The following ODR4 variants were observed in gnomAD, a reference collection of about 807,000 sequenced individuals.
ODR4 encodes odr-4 GPCR localization factor homolog, also known as protein odr-4 homolog.
In ODR4, 47 loss-of-function variants were observed where a neutral mutation model predicts 60.2. That is an observed-to-expected ratio of 0.78 (90% confidence interval 0.62 to 1.00). The LOEUF (loss-of-function observed/expected upper bound fraction) is 1.00, where lower values mean the gene tolerates loss of function less well. Ranked by LOEUF, ODR4 falls within the 50% of genes least tolerant of loss-of-function variation. The probability of loss-of-function intolerance (pLI) is 0.00; values close to 1 mark genes in which losing one functional copy is unlikely to be tolerated. For synonymous variants in ODR4, 178 were observed against 175.5 expected, an observed-to-expected ratio of 1.01 and a Z score of -0.11; for missense variants, 488 against 530.8, an observed-to-expected ratio of 0.92 and a Z score of 0.79.
intron 8 of ODR4, among the ~76,000 whole-genome samples, chr1:186,393,073 C>T (rs1660530930): frequency 6.6e-6 from 1 of 152,010 alleles, no homozygotes; most frequent in Non-Finnish European, 1.5e-5. Flanking sequence ...TATGTTCTGA[C>T]TTATAAGTGG....
intron 4 of ODR4, among the ~76,000 whole-genome samples, chr1:186,387,583 A>G (rs1489828975): frequency 6.6e-6 from 1 of 152,240 alleles, no homozygotes; most frequent in East Asian, 1.9e-4. Flanking sequence ...GACAAACACT[A>G]CAAGAAACAG....
intron 8 of ODR4, among the ~76,000 whole-genome samples, chr1:186,392,977 C>A (rs1246680817): frequency 6.6e-6 from 1 of 152,158 alleles, no homozygotes; most frequent in Non-Finnish European, 1.5e-5. Context: ...TGCACTCCAG[C>A]CTTTGGCTAC....
the ODR4 span, among the ~76,000 whole-genome samples, chr1:186,428,633 C>A: frequency 6.6e-6 from 1 of 152,194 alleles, no homozygotes; most frequent in African/African-American, 2.4e-5. Context: ...GCTTTCAGCC[C>A]GTCTTGTCTT....
At chr1:186,416,855 CAAAAAAAAAA>C (rs71104859) in intron 12 of ODR4, among the ~76,000 whole-genome samples, 2 of 85,718 alleles carry the variant, frequency 2.3e-5, no homozygotes, top group African/African-American at 9.9e-5. Flanking sequence ...GATTCTGTCT[CAAAAAAAAAA>C]AAAAAAAAAA....
In ODR4 at chr1:186,421,365, T is replaced by C. The variant is rs1364618338; in HGVS notation, c.*2289T>C. 4 of 152,222 alleles carry C rather than the reference T, an allele frequency of 2.6e-5. No homozygotes were observed. The allele number at this position is 152,222 out of a possible 1,614,324, so 9.4% of individuals were successfully genotyped here. A position where few individuals can be genotyped will look rare whatever the true frequency, so the allele number is the denominator to read the frequency against. The stretch of plus-strand genomic sequence containing the variant: ...ATGTAAAACTAAATAAACATTGTTA[T>C]GCAACATTAATAATGTGGAATTTTT... On this transcript the variant is annotated 3_prime_UTR_variant, in exon 14 of 14. Transcript: ENST00000287859.
intron 12 of ODR4, among the ~76,000 whole-genome samples, chr1:186,416,359 A>T (rs1416169738): frequency 6.6e-6 from 1 of 152,034 alleles, no homozygotes; most frequent in Non-Finnish European, 1.5e-5. Flanking sequence ...AACATGGTGA[A>T]ATCCCATCTC....
intron 9 of ODR4, among the ~76,000 whole-genome samples, chr1:186,396,562 T>G (rs1046069675): frequency 6.6e-6 from 1 of 152,148 alleles, no homozygotes; most frequent in Non-Finnish European, 1.5e-5. Flanking sequence ...TGAGCTCTGA[T>G]AGCATCACTG....
intron 13 of ODR4, among the ~76,000 whole-genome samples, chr1:186,418,167 G>C (rs1571705711): frequency 6.6e-6 from 1 of 152,122 alleles, no homozygotes; most frequent in Non-Finnish European, 1.5e-5. Flanking sequence ...CTGACTGAGA[G>C]TTAGGAGCCA....
intron 12 of ODR4, among the ~76,000 whole-genome samples, chr1:186,416,564 C>T (rs1043918169): frequency 4.6e-5 from 7 of 152,004 alleles, no homozygotes; most frequent in Non-Finnish European, 1.0e-4. Flanking sequence ...CCCAGCTACT[C>T]GGGAGGCTGA....
chr1:186,402,455 A>G (rs1278616460), intron 11 of ODR4, among the ~76,000 whole-genome samples: 1 of 151,502 alleles, frequency 6.6e-6, no homozygotes, highest in Non-Finnish European at 1.5e-5. Context: ...CCTGGAATGC[A>G]ATAATGCAGT....
At position 186,419,020 on chromosome 1, in the gene ODR4, G is replaced by C; in HGVS notation, c.1309G>C (p.Ala437Pro). Reference sequence around the variant, plus strand: ...TGTTTTACTTTTAGGTGTGATTGCAGCATTTACAGTTGCAGTCCTTGCTGC... The same window carrying C: ...TGTTTTACTTTTAGGTGTGATTGCACCATTTACAGTTGCAGTCCTTGCTGC... ...KIQQNIGVIA[A>P]FTVAVLAAGI... The change falls in exon 14 of 14, where the codon GCA becomes CCA. Residue 437 changes from alanine (A) to proline (P), a missense_variant. Physicochemically the swap from Ala to Pro is conservative, Grantham distance 27. Coordinates refer to ENST00000287859, the MANE Select transcript of ODR4 (RefSeq NM_017847.6). 2.5e-6 allele frequency: 4 copies of C among 1,607,824 alleles called. No individual in the cohort carries two copies. The highest frequency in any genetic ancestry group is 3.4e-6 in the Non-Finnish European group (4 of 1,176,778).
intron 7 of ODR4, 68 bp downstream of exon 7, chr1:186,390,919 T>A (rs890930565): frequency 6.3e-6 from 9 of 1,417,584 alleles, no homozygotes; most frequent in Admixed American, 2.2e-5. Context: ...TCTGCTTACA[T>A]GTGTCATTCA....
intron 1 of ODR4, among the ~76,000 whole-genome samples, chr1:186,378,638 T>G (rs960813181): frequency 6.6e-6 from 1 of 152,310 alleles, no homozygotes; most frequent in Non-Finnish European, 1.5e-5. Context: ...GAGCGTGGTG[T>G]TGAAAAACAT....
the ODR4 span, among the ~76,000 whole-genome samples, chr1:186,431,126 G>A: frequency 3.4e-4 from 52 of 152,182 alleles, 1 homozygote; most frequent in South Asian, 6.6e-3. Flanking sequence ...GCTCAGAGGG[G>A]GAAGAAAATA....
Position 186,421,257 on chromosome 1 carries a change from A to G in ODR4, c.*2181A>G, listed in dbSNP as rs1208649963. On this transcript the variant is annotated 3_prime_UTR_variant, in exon 14 of 14. Transcript: ENST00000287859. ...TCTGAAATTGAAAAACTAGTAAGCAAATAAATGATAAACATAAGTAAATTT... is the reference window on the plus strand; with the variant it reads ...TCTGAAATTGAAAAACTAGTAAGCAGATAAATGATAAACATAAGTAAATTT... The G allele has an allele frequency of 6.6e-6, 1 of 152,224 alleles. No homozygotes were observed. Among genetic ancestry groups the G allele is most frequent in the African/African-American group, 2.4e-5 (1 of 41,452 alleles). 9.4% of individuals were successfully genotyped at this position (152,224 alleles called of 1,614,324 possible).
chr1:186,391,521 T>C lies in ODR4; in HGVS notation c.616-175T>C, dbSNP rs537975924. On this transcript the variant is annotated intron_variant, in intron 7 of 13. Coordinates refer to ENST00000287859, the MANE Select transcript of ODR4 (RefSeq NM_017847.6). ...ATAACTATTATTAAATATAATAAGG[T>C]ATCAAGAATGGGGGTATACTTTTTT... 8.7e-5 allele frequency among the ~76,000 whole-genome samples: 13 copies of C among 149,350 alleles called. No individual in the cohort carries two copies. The East Asian group carries it at 3.0e-3, about 34-fold the overall frequency.
Position 186,396,268 on chromosome 1 carries a change from G to A in ODR4, c.781-2045G>A, listed in dbSNP as rs189008744. 1.2e-4 allele frequency among the ~76,000 whole-genome samples: 19 copies of A among 152,172 alleles called. No individual in the cohort carries two copies. In the East Asian group the frequency reaches 3.7e-3, roughly 29 times the overall value. ...GAGTTTACATTTGTAGACCCCAACTGGTCTACATTTCCACCTAAAAGGAAT... is the reference window on the plus strand; with the variant it reads ...GAGTTTACATTTGTAGACCCCAACTAGTCTACATTTCCACCTAAAAGGAAT... On this transcript the variant is annotated intron_variant, in intron 9 of 13. Coordinates refer to ENST00000287859, the MANE Select transcript of ODR4 (RefSeq NM_017847.6).
At chr1:186,376,022 G>GTA (rs57930082) in intron 1 of ODR4, 48 bp downstream of exon 1, 1 of 161,188 alleles carries the variant, frequency 6.2e-6, no homozygotes, top group Non-Finnish European at 1.4e-5. Context: ...GTGTGTGTGT[G>GTA]CTCTCTTTTC....
chr1:186,412,916 T>A (rs113843438), intron 12 of ODR4, among the ~76,000 whole-genome samples: 1 of 152,094 alleles, frequency 6.6e-6, no homozygotes, highest in Admixed American at 6.5e-5. Flanking sequence ...AAAATATTAA[T>A]GTTAAAGTAT....
Sources: gnomAD v4.1 joint callset for allele counts (sites outside exome capture counted in the v4.1 genomes callset) on GRCh38, gnomAD v4.1.1 for gene constraint, MANE v1.5 for transcripts, NCBI Gene and HGNC (gene_info 2026-07-23, HGNC 2026-07-21) for gene names.